Variants in PROSER2 observed in about 807,000 individuals in gnomAD.
The protein encoded by PROSER2 is proline and serine rich 2, also known as proline and serine-rich protein 2.
PROSER2 carries 18 observed loss-of-function variants against 14.6 expected under a neutral mutation model. The observed-to-expected ratio is 1.23, with a 90% CI of 0.85 to 1.83. The LOEUF (loss-of-function observed/expected upper bound fraction) is 1.83. PROSER2 is among the 40% of genes most tolerant of loss of function. The pLI, the probability that PROSER2 is intolerant of heterozygous loss-of-function variation, is 0.00. For missense variants in PROSER2, 823 were observed against 629.8 expected (o/e 1.31, Z -3.28); for synonymous variants, 367 against 286.4 (o/e 1.28, Z -2.84).
chr10:11,866,353 G>A lies in PROSER2; in HGVS notation c.139-178G>A, dbSNP rs1376005480. Among the ~76,000 whole-genome samples the A allele has an allele frequency of 2.6e-5, 4 of 152,276 alleles. No homozygotes were observed. The highest frequency in any genetic ancestry group is 9.6e-5 in the African/African-American group (4 of 41,558). ...TTGTTTGCTCTGCCTTTCGGAACAC[G>A]TTCTCTTCCATCTGGGTGATGGAGA... On this transcript the variant is annotated intron_variant, in intron 2 of 3. Coordinates refer to ENST00000277570, the MANE Select transcript of PROSER2 (RefSeq NM_153256.4). The surrounding 1 kb of genome is among the most constrained non-coding windows in gnomAD (Gnocchi z 6.0).
intron 2 of PROSER2, among the ~76,000 whole-genome samples, chr10:11,857,567 A>AAACTCCGTC (rs1834145040): frequency 6.6e-6 from 1 of 152,056 alleles, no homozygotes; most frequent in Non-Finnish European, 1.5e-5. Context: ...CAACATGGTG[A>AAACTCCGTC]AACTCCGTCT....
intron 1 of PROSER2, among the ~76,000 whole-genome samples, chr10:11,828,780 G>C (rs1462708241): frequency 6.6e-6 from 1 of 152,150 alleles, no homozygotes; most frequent in East Asian, 1.9e-4. Context: ...TAACACGCTG[G>C]GAATACGGAG....
intron 2 of PROSER2, among the ~76,000 whole-genome samples, chr10:11,864,996 G>C (rs1265135570): frequency 6.6e-6 from 1 of 152,052 alleles, no homozygotes; most frequent in Non-Finnish European, 1.5e-5. Context: ...GCATACCTTG[G>C]CATGGGTCTG....
intron 2 of PROSER2, among the ~76,000 whole-genome samples, chr10:11,860,502 G>C (rs1834215129): frequency 6.6e-6 from 1 of 151,924 alleles, no homozygotes; most frequent in Admixed American, 6.6e-5. Flanking sequence ...TGTAATCCCA[G>C]CTACTCCGGA....
intron 2 of PROSER2, among the ~76,000 whole-genome samples, chr10:11,864,479 G>A (rs1421765884): frequency 6.6e-6 from 1 of 151,962 alleles, no homozygotes; most frequent in Non-Finnish European, 1.5e-5. Context: ...CCATTTGAAT[G>A]TAGTTGCTAC....
intron 1 of PROSER2, among the ~76,000 whole-genome samples, chr10:11,845,129 A>G (rs555640423): frequency 6.6e-6 from 1 of 152,248 alleles, no homozygotes; most frequent in Admixed American, 6.5e-5. Context: ...CTTTTGCACC[A>G]ACCTAATACA....
chr10:11,834,229 G>A (rs113132338), intron 1 of PROSER2, among the ~76,000 whole-genome samples: 4,137 of 150,296 alleles, frequency 0.028, 102 homozygotes, highest in African/African-American at 0.067. Context: ...TTTTGACCTC[G>A]TGACTTACCC....
At chr10:11,864,655 C>G (rs189145631) in intron 2 of PROSER2, among the ~76,000 whole-genome samples, 88 of 147,934 alleles carry the variant, frequency 5.9e-4, no homozygotes, top group African/African-American at 2.2e-3. Context: ...GTGGTGCAGT[C>G]TTGGCTCACT....
intron 1 of PROSER2, among the ~76,000 whole-genome samples, chr10:11,840,991 T>TATATATATATA (rs1833838942): frequency 6.2e-5 from 7 of 112,914 alleles, no homozygotes; most frequent in African/African-American, 1.7e-4. Flanking sequence ...TATATATATA[T>TATATATATATA]GATGGTGGGG....
At position 11,858,883 on chromosome 10, in the gene PROSER2, C is replaced by T. The variant is rs2131081062; in HGVS notation, c.138+6668C>T. ...AGTTAGCTGGGCGTGTTGGCAGGTGCCTATAGTCCCAGCTACTCAGGAAGC... is the reference window on the plus strand; with the variant it reads ...AGTTAGCTGGGCGTGTTGGCAGGTGTCTATAGTCCCAGCTACTCAGGAAGC... On this transcript the variant is annotated intron_variant, in intron 2 of 3. Transcript: ENST00000277570. 2.6e-5 allele frequency among the ~76,000 whole-genome samples: 4 copies of T among 151,638 alleles called. No individual in the cohort carries two copies. The Middle Eastern group carries it at 0.01, about 395-fold the overall frequency.
chr10:11,840,289 CTTAT>C, intron 1 of PROSER2, among the ~76,000 whole-genome samples: 1 of 150,772 alleles, frequency 6.6e-6, no homozygotes, highest in Non-Finnish European at 1.5e-5. Context: ...AAGAAAAACT[CTTAT>C]TTAGTTAACA....
In PROSER2 at chr10:11,866,891, C is replaced by G. The variant is rs1263724586; in HGVS notation, c.391+108C>G. 1 of 1,323,934 alleles carries G rather than the reference C, an allele frequency of 7.6e-7. No individual in the cohort carries two copies. Among genetic ancestry groups the G allele is most frequent in the African/African-American group, 1.5e-5 (1 of 68,122 alleles). The allele number at this position is 1,323,934 out of a possible 1,614,324, so 82.0% of individuals were successfully genotyped here. A position where few individuals can be genotyped will look rare whatever the true frequency, so the allele number is the denominator to read the frequency against. ...TGTTTGCCAGTAGAAGTTGTTGAGT[C>G]TTACCAGATTTTTATAGGGGAAAAT... is the stretch of plus-strand genomic sequence containing the variant. On this transcript the variant is annotated intron_variant, in intron 3 of 3. Coordinates refer to ENST00000277570, the MANE Select transcript of PROSER2 (RefSeq NM_153256.4). The surrounding 1 kb of genome is among the most constrained non-coding windows in gnomAD (Gnocchi z 6.0).
intron 1 of PROSER2, among the ~76,000 whole-genome samples, chr10:11,833,063 CA>C (rs1394675375): frequency 2.0e-5 from 3 of 151,872 alleles, no homozygotes; most frequent in Admixed American, 6.6e-5. Context: ...AGGCTGGTCT[CA>C]AACTCCTGAC....
Position 11,859,008 on chromosome 10 carries a change from C to CAAAAAAAAAAAAA in PROSER2, c.138+6805_138+6817dup, listed in dbSNP as rs750181845. On this transcript the variant is annotated intron_variant, in intron 2 of 3. Transcript: ENST00000277570. ...TGGGCAACAAAGCGAGACTCTGTCTCAAAAAAAAAAAAAAAAAAAAAAAAG... is the reference window on the plus strand; with the variant it reads ...TGGGCAACAAAGCGAGACTCTGTCTCAAAAAAAAAAAAAAAAAAAAAAAAAAAAAAAAAAAAAG... Among the ~76,000 whole-genome samples the CAAAAAAAAAAAAA allele has an allele frequency of 2.6e-3, 158 of 61,046 alleles. 7 individuals carry two copies. Among genetic ancestry groups the CAAAAAAAAAAAAA allele is most frequent in the East Asian group, 5.5e-3 (8 of 1,442 alleles). The allele number at this position is 61,046 out of a possible 152,430, so 40.0% of individuals were successfully genotyped here. A position where few individuals can be genotyped will look rare whatever the true frequency, so the allele number is the denominator to read the frequency against.
At position 11,865,867 on chromosome 10, in the gene PROSER2, C is replaced by T. The variant is rs1834334272; in HGVS notation, c.139-664C>T. The stretch of plus-strand genomic sequence containing the variant: ...ACAGTTCAGCTCTCTTCACCGTCAC[C>T]TTGCCCACACTTCCAGAGCCGCTCA... On this transcript the variant is annotated intron_variant, in intron 2 of 3. Coordinates refer to ENST00000277570, the MANE Select transcript of PROSER2 (RefSeq NM_153256.4). This position sits in a 1 kb window ranked among gnomAD's most constrained non-coding sequence, Gnocchi z 4.2. Among the ~76,000 whole-genome samples the T allele has an allele frequency of 6.6e-6, 1 of 152,190 alleles. No individual in the cohort carries two copies. The highest frequency in any genetic ancestry group is 2.4e-5 in the African/African-American group (1 of 41,442).
intron 1 of PROSER2, among the ~76,000 whole-genome samples, chr10:11,825,009 T>A (rs1032862046): frequency 6.6e-6 from 1 of 152,162 alleles, no homozygotes; most frequent in Non-Finnish European, 1.5e-5. Flanking sequence ...CATACAGTCA[T>A]TTCTAGATAA....
rs369624178 is a variant in PROSER2, at chr10:11,839,019, C to T, written c.-81-12978C>T. On this transcript the variant is annotated intron_variant, in intron 1 of 3. Coordinates refer to ENST00000277570, the MANE Select transcript of PROSER2 (RefSeq NM_153256.4). ...ACCTTATAACTTGTATTTTTTGAGTCCTAATGAATAGAAAGATTAATAGAG... is the reference window on the plus strand; with the variant it reads ...ACCTTATAACTTGTATTTTTTGAGTTCTAATGAATAGAAAGATTAATAGAG... Among the ~76,000 whole-genome samples the T allele has an allele frequency of 7.9e-5, 12 of 152,032 alleles. No homozygotes were observed. In the East Asian group the frequency reaches 1.7e-3, roughly 22 times the overall value.
At chr10:11,843,208 G>T (rs554631465) in intron 1 of PROSER2, among the ~76,000 whole-genome samples, 399 of 148,626 alleles carry the variant, frequency 2.7e-3, no homozygotes, top group Admixed American at 9.0e-3. Flanking sequence ...CCAAAGTGCC[G>T]GGATTACAGG....
rs953285026 is a variant in PROSER2 at position 11,865,806 on chromosome 10, C to T, written c.139-725C>T. On this transcript the variant is annotated intron_variant, in intron 2 of 3. Transcript: ENST00000277570. This position sits in a 1 kb window ranked among gnomAD's most constrained non-coding sequence, Gnocchi z 4.2. ...CGAGAGTAACTGGCGAGTTTTGTGC[C>T]GGGATGAGCTCATTGCTTCTGAAAG... Among the ~76,000 whole-genome samples, 14 of 152,146 alleles carry T rather than the reference C, an allele frequency of 9.2e-5. No homozygotes were observed. The highest frequency in any genetic ancestry group is 2.4e-4 in the African/African-American group (10 of 41,432).
Sources: gnomAD v4.1 joint callset for allele counts (sites outside exome capture counted in the v4.1 genomes callset) on GRCh38, gnomAD v4.1.1 for gene constraint, Gnocchi (gnomAD v3.1) non-coding constraint, MANE v1.5 for transcripts, NCBI Gene and HGNC (gene_info 2026-07-23, HGNC 2026-07-21) for gene names.